SLC9A9: variants seen among roughly 807,000 people sequenced by gnomAD.
The protein encoded by SLC9A9 is solute carrier family 9 member A9.
SLC9A9 carries 62 observed loss-of-function variants against 77.8 expected under a neutral mutation model. The ratio of observed to expected loss-of-function variants is 0.80; its 90% CI spans 0.65 to 0.98. The LOEUF (loss-of-function observed/expected upper bound fraction) is 0.98. SLC9A9 is among the 50% of genes least tolerant of loss of function. SLC9A9 has a pLI of 0.00. For synonymous variants in SLC9A9, 320 were observed against 283.5 expected, an observed-to-expected ratio of 1.13 and a Z score of -1.29; for missense variants, 775 against 774.9, an observed-to-expected ratio of 1.00 and a Z score of 0.00.
chr3:143,748,313 C>A (rs1029092066), intron 4 of SLC9A9, among the ~76,000 whole-genome samples: 4 of 152,120 alleles, frequency 2.6e-5, no homozygotes, highest in Admixed American at 2.6e-4. Context: ...GCCAAGCCAG[C>A]AAAACTGATG....
intron 4 of SLC9A9, among the ~76,000 whole-genome samples, chr3:143,696,701 A>G (rs983581879): frequency 6.6e-6 from 1 of 152,194 alleles, no homozygotes; most frequent in African/African-American, 2.4e-5. Context: ...TTCTATATCC[A>G]TTAGTTAATT....
chr3:143,491,133 A>T (rs556973306), intron 11 of SLC9A9, among the ~76,000 whole-genome samples: 56 of 152,288 alleles, frequency 3.7e-4, no homozygotes, highest in African/African-American at 1.2e-3. Flanking sequence ...GATGATATGG[A>T]TGCTCAGTAT....
intron 9 of SLC9A9, among the ~76,000 whole-genome samples, chr3:143,540,609 G>T (rs143726002): frequency 1.3e-5 from 2 of 152,142 alleles, no homozygotes; most frequent in South Asian, 2.1e-4. Context: ...CACGTGTAAA[G>T]TTTCATAAAT....
intron 5 of SLC9A9, among the ~76,000 whole-genome samples, chr3:143,672,006 T>C (rs768525962): frequency 6.6e-6 from 1 of 152,242 alleles, no homozygotes; most frequent in Non-Finnish European, 1.5e-5. Flanking sequence ...TCTTTATAGA[T>C]GACAGAGCAA....
intron 8 of SLC9A9, among the ~76,000 whole-genome samples, chr3:143,568,335 C>T (rs1381923279): frequency 6.6e-6 from 1 of 151,984 alleles, no homozygotes; most frequent in East Asian, 1.9e-4. Flanking sequence ...AAGATGTTAT[C>T]CATTGGAGTT....
At chr3:143,339,097 T>C (rs2032013225) in intron 14 of SLC9A9, among the ~76,000 whole-genome samples, 1 of 152,226 alleles carries the variant, frequency 6.6e-6, no homozygotes, top group Non-Finnish European at 1.5e-5. Flanking sequence ...CAAGGCACTG[T>C]GTCAGTTGAC....
intron 9 of SLC9A9, among the ~76,000 whole-genome samples, chr3:143,551,275 T>A (rs1459843376): frequency 6.6e-6 from 1 of 152,220 alleles, no homozygotes; most frequent in African/African-American, 2.4e-5. Context: ...TCTCAGACTC[T>A]GGCCTCCAGA....
chr3:143,751,220 C>CT (rs1491584800), intron 4 of SLC9A9, among the ~76,000 whole-genome samples: 12 of 152,318 alleles, frequency 7.9e-5, no homozygotes, highest in Non-Finnish European at 1.8e-4. Flanking sequence ...AGGTTGCAGA[C>CT]TCTCTGAAGG....
intron 8 of SLC9A9, among the ~76,000 whole-genome samples, chr3:143,573,057 C>T (rs1228577091): frequency 1.3e-5 from 2 of 152,160 alleles, no homozygotes; most frequent in African/African-American, 4.8e-5. Flanking sequence ...TTACTGTTGG[C>T]TGAGTAAACT....
intron 4 of SLC9A9, among the ~76,000 whole-genome samples, chr3:143,768,046 T>C (rs1211581965): frequency 6.6e-6 from 1 of 152,180 alleles, no homozygotes; most frequent in Non-Finnish European, 1.5e-5. Context: ...CTACTCCCTT[T>C]GCCCTTCCAG....
At chr3:143,736,644 C>A (rs1005774132) in intron 4 of SLC9A9, among the ~76,000 whole-genome samples, 5 of 152,108 alleles carry the variant, frequency 3.3e-5, no homozygotes, top group Non-Finnish European at 7.4e-5. Context: ...ATGGAGAAAT[C>A]TCTTTTCTAT....
At chr3:143,743,233 GGATGGATGGATAGATAGATA>G (rs1241105740) in intron 4 of SLC9A9, among the ~76,000 whole-genome samples, 27 of 134,448 alleles carry the variant, frequency 2.0e-4, no homozygotes, top group African/African-American at 7.2e-4. Flanking sequence ...ATGGATGGAT[GGATGGATGGATAGATAGATA>G]GATAGATAGA....
chr3:143,326,451 C>T (rs1431120519), intron 14 of SLC9A9, among the ~76,000 whole-genome samples: 1 of 152,144 alleles, frequency 6.6e-6, no homozygotes, highest in Admixed American at 6.5e-5. Flanking sequence ...CTTCCTCCCT[C>T]TTCTCTCCCT....
intron 11 of SLC9A9, among the ~76,000 whole-genome samples, chr3:143,472,312 T>C (rs1487679804): frequency 1.3e-5 from 2 of 152,214 alleles, no homozygotes; most frequent in Non-Finnish European, 2.9e-5. Context: ...AGGAAAAAGA[T>C]TGCTATACCT....
In SLC9A9 at chr3:143,266,939, AAAAG is replaced by A; in HGVS notation, c.1711-14_1711-11del. 1 of 1,613,606 alleles carries A rather than the reference AAAAG, an allele frequency of 6.2e-7. No individual in the cohort carries two copies. Among genetic ancestry groups the A allele is most frequent in the African/African-American group, 1.3e-5 (1 of 75,012 alleles). ...CCTCTTTTAGCTGTTCCTGGTTGGGAAAAGAGAGAGAGGTGTCACTTCATGATGA... is the reference window on the plus strand; with the variant it reads ...CCTCTTTTAGCTGTTCCTGGTTGGGAAGAGAGAGGTGTCACTTCATGATGA... On this transcript the variant is annotated splice_polypyrimidine_tract_variant and intron_variant, in intron 15 of 15. Transcript: ENST00000316549.
chr3:143,361,701 T>A (rs1587588), intron 14 of SLC9A9, among the ~76,000 whole-genome samples: 4,713 of 152,280 alleles, frequency 0.031, 162 homozygotes, highest in East Asian at 0.18. Flanking sequence ...AGAGTGTAAA[T>A]CTGCTTTTAT....
chr3:143,400,381 C>T (rs745679162), intron 12 of SLC9A9, among the ~76,000 whole-genome samples: 8 of 152,222 alleles, frequency 5.3e-5, no homozygotes, highest in African/African-American at 1.7e-4. Context: ...TAATGGCATC[C>T]GCAGGAACCT....
chr3:143,665,145 A>G (rs1164777089), intron 5 of SLC9A9, among the ~76,000 whole-genome samples: 1 of 152,270 alleles, frequency 6.6e-6, no homozygotes, highest in Non-Finnish European at 1.5e-5. Flanking sequence ...TTCTTAGACC[A>G]TAGTGCAATC....
chr3:143,376,318 G>GAAAGAACACGTTTACAGA (rs2033179751), intron 13 of SLC9A9, among the ~76,000 whole-genome samples: 1 of 152,234 alleles, frequency 6.6e-6, no homozygotes, highest in African/African-American at 2.4e-5. Context: ...TTACTGGGAA[G>GAAAGAACACGTTTACAGA]AAAGAACACG....
Sources: gnomAD v4.1 joint callset for allele counts (sites outside exome capture counted in the v4.1 genomes callset) on GRCh38, gnomAD v4.1.1 for gene constraint, MANE v1.5 for transcripts, NCBI Gene and HGNC (gene_info 2026-07-23, HGNC 2026-07-21) for gene names.